ELP4: variants seen among roughly 807,000 people sequenced by gnomAD.
ELP4 encodes the protein elongator complex protein 4.
ELP4 carries 51 observed loss-of-function variants against 48.9 expected under a neutral mutation model. The ratio of observed to expected loss-of-function variants is 1.04; its 90% CI spans 0.83 to 1.32. The LOEUF is 1.32. ELP4 is among the 40% of genes most tolerant of loss of function. ELP4 has a pLI of 0.00. For synonymous variants in ELP4, 210 were observed against 189.2 expected (o/e 1.11, Z -0.90); for missense variants, 519 against 514.6 (o/e 1.01, Z -0.08).
At chr11:31,635,568 A>G (rs1469019461) in intron 7 of ELP4, among the ~76,000 whole-genome samples, 1 of 151,946 alleles carries the variant, frequency 6.6e-6, no homozygotes, top group East Asian at 1.9e-4. Flanking sequence ...AGAACCTGGG[A>G]TCTTAGAGGC....
intron 9 of ELP4, among the ~76,000 whole-genome samples, chr11:31,753,994 G>T (rs1947781235): frequency 6.6e-6 from 1 of 152,150 alleles, no homozygotes; most frequent in Non-Finnish European, 1.5e-5. Flanking sequence ...AAAGTTTAGT[G>T]ATGAGTACAT....
intron 9 of ELP4, among the ~76,000 whole-genome samples, chr11:31,744,397 C>A (rs928762463): frequency 2.0e-5 from 3 of 152,172 alleles, no homozygotes; most frequent in African/African-American, 7.2e-5. Context: ...TTTTATGAGG[C>A]CAGCATCATC....
At chr11:31,522,985 G>A (rs546250958) in intron 2 of ELP4, among the ~76,000 whole-genome samples, 67 of 151,386 alleles carry the variant, frequency 4.4e-4, no homozygotes, top group African/African-American at 1.6e-3. Flanking sequence ...TCAGTCTCCT[G>A]AGTAGCTGGG....
chr11:31,589,514 T>A (rs1209427789), intron 3 of ELP4, among the ~76,000 whole-genome samples: 1 of 152,214 alleles, frequency 6.6e-6, no homozygotes, highest in African/African-American at 2.4e-5. Flanking sequence ...ATATATGCAT[T>A]TGAAGAATAA....
At chr11:31,587,888 T>G (rs1268777782) in intron 3 of ELP4, among the ~76,000 whole-genome samples, 3 of 151,976 alleles carry the variant, frequency 2.0e-5, no homozygotes, top group Non-Finnish European at 4.4e-5. Context: ...ACAAAATTAT[T>G]TTTTTATTCA....
intron 2 of ELP4, among the ~76,000 whole-genome samples, chr11:31,525,059 T>C (rs1163478668): frequency 6.6e-6 from 1 of 152,208 alleles, no homozygotes; most frequent in African/African-American, 2.4e-5. Context: ...AAATAAAATT[T>C]TATTAGAATA....
chr11:31,753,351 T>C (rs1947767366), intron 9 of ELP4, among the ~76,000 whole-genome samples: 1 of 152,206 alleles, frequency 6.6e-6, no homozygotes, highest in Non-Finnish European at 1.5e-5. Context: ...TCACTATTCC[T>C]GGATTCACCC....
intron 9 of ELP4, among the ~76,000 whole-genome samples, chr11:31,670,845 T>C (rs1945792309): frequency 6.6e-6 from 1 of 152,018 alleles, no homozygotes; most frequent in South Asian, 2.1e-4. Context: ...TTTCATAAGG[T>C]TATTTTTTTC....
chr11:31,733,173 T>C (rs1419335828), intron 9 of ELP4, among the ~76,000 whole-genome samples: 3 of 152,110 alleles, frequency 2.0e-5, no homozygotes, highest in Non-Finnish European at 2.9e-5. Context: ...AAAATAAGTC[T>C]TAACAAATTT....
chr11:31,704,503 G>T (rs985816206), intron 9 of ELP4, among the ~76,000 whole-genome samples: 1 of 152,062 alleles, frequency 6.6e-6, no homozygotes, highest in South Asian at 2.1e-4. Context: ...GGGAGGAGGG[G>T]GGAGGGAAAG....
At chr11:31,774,814 T>C (rs1948213239) in intron 9 of ELP4, among the ~76,000 whole-genome samples, 1 of 152,170 alleles carries the variant, frequency 6.6e-6, no homozygotes. Flanking sequence ...AAACAGAATA[T>C]AGATTAGGCT....
chr11:31,691,907 TAGTG>T (rs1239339305), intron 9 of ELP4, among the ~76,000 whole-genome samples: 1 of 152,148 alleles, frequency 6.6e-6, no homozygotes, highest in African/African-American at 2.4e-5. Context: ...ATTAACTTCT[TAGTG>T]AGTAATAAAC....
At chr11:31,686,019 G>A (rs1193762278) in intron 9 of ELP4, among the ~76,000 whole-genome samples, 1 of 151,274 alleles carries the variant, frequency 6.6e-6, no homozygotes, top group Non-Finnish European at 1.5e-5. Context: ...TGTTGAAATT[G>A]TCTTTTCAAG....
chr11:31,772,787 G>A (rs1208531569), intron 9 of ELP4, among the ~76,000 whole-genome samples: 1 of 152,110 alleles, frequency 6.6e-6, no homozygotes, highest in Non-Finnish European at 1.5e-5. Flanking sequence ...AAAGTAAAAT[G>A]GGAGAGTAGA....
At chr11:31,745,396 A>G (rs1947562528) in intron 9 of ELP4, among the ~76,000 whole-genome samples, 2 of 152,210 alleles carry the variant, frequency 1.3e-5, no homozygotes, top group Admixed American at 6.5e-5. Flanking sequence ...ACTACTTTAC[A>G]GTTCATGTGG....
rs185100385 is a variant in ELP4 at position 31,647,523 on chromosome 11, T to C, written c.928-218T>C. 6 of 378,910 alleles carry C rather than the reference T, an allele frequency of 1.6e-5. No homozygotes were observed. The Admixed American group carries it at 2.5e-4, about 16-fold the overall frequency. The allele number at this position is 378,910 out of a possible 1,614,324, so 23.5% of individuals were successfully genotyped here. ...CCAATTTATGTTTTCCCTTCAGTTC[T>C]TCAAATTAGAATAGCATGACTACAT... is the stretch of plus-strand genomic sequence containing the variant. On this transcript the variant is annotated intron_variant, in intron 7 of 9. Coordinates refer to ENST00000640961, the MANE Select transcript of ELP4 (RefSeq NM_019040.5).
At chr11:31,542,002 A>G (rs1429268090) in intron 3 of ELP4, among the ~76,000 whole-genome samples, 1 of 152,228 alleles carries the variant, frequency 6.6e-6, no homozygotes, top group Admixed American at 6.5e-5. Flanking sequence ...TGTCTGACCA[A>G]GCTGCACATG....
chr11:31,620,182 G>A (rs1944590107), intron 5 of ELP4, among the ~76,000 whole-genome samples: 1 of 152,014 alleles, frequency 6.6e-6, no homozygotes, highest in Non-Finnish European at 1.5e-5. Context: ...AGTCATACCA[G>A]TCTGTTTCTC....
chr11:31,789,415 A>T lies in ELP4; in HGVS notation c.*5891A>T. The T allele has an allele frequency of 2.7e-6, 1 of 373,518 alleles. No homozygotes were observed. The highest frequency in any genetic ancestry group is 4.8e-6 in the Non-Finnish European group (1 of 210,478). 23.1% of individuals were successfully genotyped at this position (373,518 alleles called of 1,614,324 possible). A position where few individuals can be genotyped will look rare whatever the true frequency, so the allele number is the denominator to read the frequency against. ...TGGAAAACCAACAGATATTTCTGAC[A>T]TAAATCTAGTGCATGTTGTTCCAGG... On this transcript the variant is annotated 3_prime_UTR_variant, in exon 10 of 10. Coordinates refer to ENST00000640961, the MANE Select transcript of ELP4 (RefSeq NM_019040.5).
Sources: gnomAD v4.1 joint callset for allele counts (sites outside exome capture counted in the v4.1 genomes callset) on GRCh38, gnomAD v4.1.1 for gene constraint, MANE v1.5 for transcripts, NCBI Gene and HGNC (gene_info 2026-07-23, HGNC 2026-07-21) for gene names.